NOL4L: variants seen among roughly 807,000 people sequenced by gnomAD.
NOL4L encodes the protein nucleolar protein 4 like, also known as nucleolar protein 4-like.
NOL4L carries 7 observed loss-of-function variants against 64.5 expected under a neutral mutation model. That is an observed-to-expected ratio of 0.11 (90% CI 0.06 to 0.20). NOL4L has a LOEUF of 0.20. Ranked by LOEUF, NOL4L falls within the 10% of genes least tolerant of loss-of-function variation. NOL4L has a pLI of 1.00. For synonymous variants in NOL4L, 413 were observed against 401.0 expected (o/e 1.03, Z -0.36); for missense variants, 680 against 967.1 (o/e 0.70, Z 3.94).
chr20:32,491,878 G>A (rs971914238), intron 4 of NOL4L, among the ~76,000 whole-genome samples: 1 of 152,210 alleles, frequency 6.6e-6, no homozygotes, highest in Non-Finnish European at 1.5e-5. Context: ...CACTTTGGGA[G>A]GCTGAGGTGG....
intron 1 of NOL4L, among the ~76,000 whole-genome samples, chr20:32,536,874 C>T (rs1242638001): frequency 6.8e-6 from 1 of 147,718 alleles, no homozygotes; most frequent in Non-Finnish European, 1.5e-5. Context: ...CAGGGACGCT[C>T]GGCTGCGGCG....
intron 1 of NOL4L, among the ~76,000 whole-genome samples, chr20:32,533,669 T>C (rs2018419420): frequency 6.6e-6 from 1 of 152,226 alleles, no homozygotes; most frequent in Non-Finnish European, 1.5e-5. Context: ...GGATTATGGA[T>C]AGAAAGAGCA....
At chr20:32,510,881 G>A (rs1267892786) in intron 4 of NOL4L, among the ~76,000 whole-genome samples, 1 of 152,138 alleles carries the variant, frequency 6.6e-6, no homozygotes, top group East Asian at 1.9e-4. Flanking sequence ...GGGGAGGCTT[G>A]GACGGCCAGG....
At position 32,447,569 on chromosome 20, in the gene NOL4L, G is replaced by C; in HGVS notation, c.*27C>G. 1 of 1,574,152 alleles carries C rather than the reference G, an allele frequency of 6.4e-7. No individual in the cohort carries two copies. The highest frequency in any genetic ancestry group is 8.6e-7 in the Non-Finnish European group (1 of 1,164,854). On this transcript the variant is annotated 3_prime_UTR_variant, in exon 11 of 11. Transcript: ENST00000621426. The stretch of plus-strand genomic sequence containing the variant: ...AGGCTGGGACAGCCTCCTTCCCTAG[G>C]GCAGTGCGCTCCAGGTGCCGGTGGG...
intron 4 of NOL4L, among the ~76,000 whole-genome samples, chr20:32,506,936 TCA>T (rs1335205228): frequency 6.6e-6 from 1 of 152,196 alleles, no homozygotes; most frequent in Non-Finnish European, 1.5e-5. Flanking sequence ...CTGCACCACT[TCA>T]CACACTGCTG....
rs1383754254 is a variant in NOL4L at position 32,443,864 on chromosome 20, A to G, written c.*3732T>C. ...CCATGCAGTTACCCACCAGCAGCCA[A>G]TAAGAGGTCTCTCTTCTGACTCCTG... On this transcript the variant is annotated 3_prime_UTR_variant, in exon 11 of 11. Coordinates refer to ENST00000621426, the MANE Select transcript of NOL4L (RefSeq NM_001256798.2). The G allele has an allele frequency of 3.9e-5, 6 of 152,226 alleles. No homozygotes were observed. Among genetic ancestry groups the G allele is most frequent in the Non-Finnish European group, 7.3e-5 (5 of 68,056 alleles). 9.4% of individuals were successfully genotyped at this position (152,226 alleles called of 1,614,324 possible). A position where few individuals can be genotyped will look rare whatever the true frequency, so the allele number is the denominator to read the frequency against.
At chr20:32,530,465 C>T (rs6141746) in intron 1 of NOL4L, among the ~76,000 whole-genome samples, 38,613 of 151,566 alleles carry the variant, frequency 0.25, 6,247 homozygotes, top group East Asian at 0.77. Context: ...GGTGTGAACC[C>T]GGGAGGCAGA....
At chr20:32,552,814 C>T (rs977949053) in intron 1 of NOL4L, among the ~76,000 whole-genome samples, 1 of 152,094 alleles carries the variant, frequency 6.6e-6, no homozygotes, top group Non-Finnish European at 1.5e-5. Flanking sequence ...ACCAGCCTGG[C>T]CAACATGGTG....
intron 10 of NOL4L, among the ~76,000 whole-genome samples, chr20:32,452,022 CAACT>C (rs2012964008): frequency 6.6e-6 from 1 of 152,198 alleles, no homozygotes; most frequent in African/African-American, 2.4e-5. Context: ...TTGCTTTAAC[CAACT>C]GAGTCTCCTT....
intron 1 of NOL4L, among the ~76,000 whole-genome samples, chr20:32,576,352 G>T (rs564191887): frequency 6.6e-6 from 1 of 152,202 alleles, no homozygotes; most frequent in Non-Finnish European, 1.5e-5. Flanking sequence ...TGCTTTGAAG[G>T]TAGAACCAAC....
chr20:32,456,326 G>C lies in NOL4L; in HGVS notation c.911C>G (p.Thr304Arg), dbSNP rs148352586. 6.4e-7 allele frequency: 1 copy of C among 1,557,668 alleles called. No individual in the cohort carries two copies. The highest frequency in any genetic ancestry group is 8.7e-7 in the Non-Finnish European group (1 of 1,148,410). ...STLNPSTSSS[T>R]QGDPAFPEMN... ...CTCGGGGAAGGCAGGGTCGCCCTGC[G>C]TGCTGCTCGACGTGGATGGGTTCAG... The change falls in exon 6 of 11, where the codon ACG (threonine) becomes AGG (arginine). Residue 304 changes from threonine (T) to arginine (R), a missense_variant. Physicochemically the swap from Thr to Arg is moderately conservative, Grantham distance 71. Transcript: ENST00000621426.
chr20:32,502,317 G>C (rs1317339721), intron 4 of NOL4L, among the ~76,000 whole-genome samples: 1 of 152,372 alleles, frequency 6.6e-6, no homozygotes, highest in South Asian at 2.1e-4. Context: ...TAGAGGCCGG[G>C]TGTGGTGGCT....
At chr20:32,520,750 C>G in intron 3 of NOL4L, 61 bp downstream of exon 3, 2 of 1,067,532 alleles carry the variant, frequency 1.9e-6, no homozygotes, top group Non-Finnish European at 2.7e-6. Context: ...CTGGCGTCTT[C>G]AGGGACAGTC....
At chr20:32,520,653 A>T (rs1460253200) in intron 3 of NOL4L, among the ~76,000 whole-genome samples, 158 bp downstream of exon 3, 1 of 152,248 alleles carries the variant, frequency 6.6e-6, no homozygotes, top group African/African-American at 2.4e-5. Flanking sequence ...GAAACAAAAC[A>T]AGGCGCTTTG....
chr20:32,510,202 C>T (rs939976908), intron 4 of NOL4L: 26 of 356,256 alleles, frequency 7.3e-5, no homozygotes, highest in East Asian at 2.2e-4. Flanking sequence ...GATGAGAAGA[C>T]GTGGGAGACA....
At chr20:32,557,227 C>A (rs1349311304) in intron 1 of NOL4L, among the ~76,000 whole-genome samples, 2 of 152,266 alleles carry the variant, frequency 1.3e-5, no homozygotes, top group Admixed American at 6.5e-5. Flanking sequence ...AAGCAGCCTC[C>A]CCGCTACCGT....
intron 1 of NOL4L, among the ~76,000 whole-genome samples, chr20:32,558,977 T>C (rs1327753022): frequency 6.6e-6 from 1 of 152,088 alleles, no homozygotes; most frequent in Non-Finnish European, 1.5e-5. Context: ...GGAAAAAGTA[T>C]ATTCCTCCTT....
chr20:32,472,138 C>T (rs2015065882), intron 5 of NOL4L, among the ~76,000 whole-genome samples: 2 of 152,212 alleles, frequency 1.3e-5, no homozygotes, highest in South Asian at 4.1e-4. Flanking sequence ...CCAACTTATC[C>T]CCCATCAGAG....
At chr20:32,506,655 C>A (rs912799345) in intron 4 of NOL4L, among the ~76,000 whole-genome samples, 1 of 152,098 alleles carries the variant, frequency 6.6e-6, no homozygotes, top group Non-Finnish European at 1.5e-5. Context: ...GAGCAAAACT[C>A]CATCTCCAAA....
Sources: gnomAD v4.1 joint callset for allele counts (sites outside exome capture counted in the v4.1 genomes callset) on GRCh38, gnomAD v4.1.1 for gene constraint, MANE v1.5 for transcripts, NCBI Gene and HGNC (gene_info 2026-07-23, HGNC 2026-07-21) for gene names.